IL16: variants seen among roughly 807,000 people sequenced by gnomAD.
IL16 encodes interleukin 16.
In IL16, 67 loss-of-function variants were observed where a neutral mutation model predicts 110.1. That is an observed-to-expected ratio of 0.61 (90% CI 0.50 to 0.75). The LOEUF is 0.75. Ranked by LOEUF, IL16 falls within the 30% of genes least tolerant of loss-of-function variation. The probability of loss-of-function intolerance (pLI) is 0.00; values close to 1 mark genes in which losing one functional copy is unlikely to be tolerated. For missense variants in IL16, 1,545 were observed against 1,655.0 expected (o/e 0.93, Z 1.15); for synonymous variants, 689 against 662.9 (o/e 1.04, Z -0.61).
At chr15:81,215,333 A>G (rs1896385888) in intron 1 of IL16, among the ~76,000 whole-genome samples, 1 of 152,218 alleles carries the variant, frequency 6.6e-6, no homozygotes, top group Non-Finnish European at 1.5e-5. Flanking sequence ...TCTGCACAGG[A>G]TCTTTATGCT....
At chr15:81,301,287 C>A in intron 14 of IL16, 57 bp from the exon 15 acceptor site, 1 of 1,480,962 alleles carries the variant, frequency 6.8e-7, no homozygotes, top group Non-Finnish European at 9.2e-7. Context: ...TATACAATCA[C>A]TGTTACCTCT....
At chr15:81,266,441 G>A (rs749241994) in intron 4 of IL16, among the ~76,000 whole-genome samples, 5 of 152,208 alleles carry the variant, frequency 3.3e-5, no homozygotes, top group Non-Finnish European at 5.9e-5. Flanking sequence ...AAACTGCCCT[G>A]TGTGCTCCTC....
rs57484982 is a variant in IL16 at position 81,247,076 on chromosome 15, C to CTTTTTTT, written c.313-12682_313-12676dup. On this transcript the variant is annotated intron_variant, in intron 2 of 18. Transcript: ENST00000683961. ...TTTGTGTTTTCTTTCTTTTCTTTTCCTTTTTTTTTTTTTTTTTTTTGATCT... is the reference window on the plus strand; with the variant it reads ...TTTGTGTTTTCTTTCTTTTCTTTTCCTTTTTTTTTTTTTTTTTTTTTTTTTTTGATCT... Among the ~76,000 whole-genome samples the CTTTTTTT allele has an allele frequency of 9.6e-3, 891 of 92,460 alleles. 5 individuals carry two copies. Among genetic ancestry groups the CTTTTTTT allele is most frequent in the African/African-American group, 0.015 (310 of 20,730 alleles). The allele number at this position is 92,460 out of a possible 152,430, so 60.7% of individuals were successfully genotyped here. A position where few individuals can be genotyped will look rare whatever the true frequency, so the allele number is the denominator to read the frequency against.
At chr15:81,207,739 A>G (rs576079645) in intron 1 of IL16, among the ~76,000 whole-genome samples, 6 of 152,076 alleles carry the variant, frequency 3.9e-5, no homozygotes, top group African/African-American at 1.2e-4. Context: ...TTTCATGGTG[A>G]TACGTACCAC....
intron 12 of IL16, among the ~76,000 whole-genome samples, chr15:81,294,903 G>A (rs977134835): frequency 6.6e-6 from 1 of 152,136 alleles, no homozygotes; most frequent in Non-Finnish European, 1.5e-5. Context: ...AGTGTCCACT[G>A]TCTCACTCTC....
chr15:81,241,024 C>T (rs1897320589), intron 2 of IL16, among the ~76,000 whole-genome samples: 1 of 151,856 alleles, frequency 6.6e-6, no homozygotes, highest in African/African-American at 2.4e-5. Flanking sequence ...TACAGTTAGC[C>T]CATTGTTCCA....
intron 1 of IL16, among the ~76,000 whole-genome samples, chr15:81,209,085 A>G (rs80019075): frequency 0.013 from 2,030 of 152,286 alleles, 44 homozygotes; most frequent in African/African-American, 0.046. Context: ...GGAATTGAGC[A>G]CTCAATGAAT....
chr15:81,306,453 A>G lies in IL16; in HGVS notation c.3713A>G (p.Glu1238Gly). Residue 1238 changes from glutamate to glycine, a missense_variant, in exon 18 of 19, where the codon GAG (glutamate) becomes GGG (glycine). Physicochemically the swap from Glu to Gly is moderately conservative, Grantham distance 98. Coordinates refer to ENST00000683961, the MANE Select transcript of IL16 (RefSeq NM_172217.5). ...AEATVCTVTL[E>G]KMSAGLGFSL... ...GCCACAGTCTGCACGGTGACACTGG[A>G]GAAGATGTCGGCAGGGCTGGGCTTC... is the stretch of plus-strand genomic sequence containing the variant. 6.2e-7 allele frequency: 1 copy of G among 1,613,120 alleles called. No individual in the cohort carries two copies. Among genetic ancestry groups the G allele is most frequent in the Non-Finnish European group, 8.5e-7 (1 of 1,179,492 alleles).
At position 81,301,471 on chromosome 15, in the gene IL16, C is replaced by T; in HGVS notation, c.3277C>T (p.Leu1093Phe). The stretch of plus-strand genomic sequence containing the variant: ...GCTGAGCTCAGAAGAATTAAAAAAA[C>T]TCATCGAGGAGGTGAAGGTTCTGGA... Reference protein sequence around the residue: ...SLLSSEELKKLIEEVKVLDEA... With the variant: ...SLLSSEELKKFIEEVKVLDEA... The change falls in exon 15 of 19, where the codon CTC becomes TTC. Residue 1093 changes from leucine to phenylalanine, a missense_variant. Leu to Phe is a conservative substitution (Grantham distance 22, BLOSUM62 0). Around this residue, in one of 3 missense-constraint regions of IL16, gnomAD observed 356 missense variants for 399.3 expected, o/e 0.89. Transcript: ENST00000683961. 3 of 1,614,068 alleles carry T rather than the reference C, an allele frequency of 1.9e-6. No individual in the cohort carries two copies. The highest frequency in any genetic ancestry group is 2.5e-6 in the Non-Finnish European group (3 of 1,179,988).
At chr15:81,243,745 CT>C (rs1488155967) in intron 2 of IL16, among the ~76,000 whole-genome samples, 62 of 152,208 alleles carry the variant, frequency 4.1e-4, no homozygotes, top group Admixed American at 3.1e-3. Context: ...AGTTATAGAA[CT>C]ATTCAAATTA....
intron 1 of IL16, among the ~76,000 whole-genome samples, chr15:81,220,669 C>T (rs1022709986): frequency 3.9e-5 from 6 of 152,016 alleles, no homozygotes. Context: ...TTTACCCTCC[C>T]AAAGATCTCC....
intron 1 of IL16, among the ~76,000 whole-genome samples, chr15:81,185,011 A>G (rs1429624135): frequency 6.6e-6 from 1 of 151,996 alleles, no homozygotes. Context: ...TCACCTGGGG[A>G]TCCTTGGGAC....
At position 81,313,179 on chromosome 15, in the gene IL16, C is replaced by G; in HGVS notation, c.*4381C>G. ...AGTGAACACAGGCCTCTGCGTGCTC[C>G]CAGGCTCCTTGGTGTCCCAACAGCT... On this transcript the variant is annotated 3_prime_UTR_variant, in exon 19 of 19. Transcript: ENST00000683961. The G allele has an allele frequency of 6.9e-7, 1 of 1,446,628 alleles. No homozygotes were observed. 89.6% of individuals were successfully genotyped at this position (1,446,628 alleles called of 1,614,324 possible). A position where few individuals can be genotyped will look rare whatever the true frequency, so the allele number is the denominator to read the frequency against.
At position 81,225,284 on chromosome 15, in the gene IL16, T is replaced by A. The variant is rs1289270456; in HGVS notation, c.-101-15T>A. 1 of 1,496,872 alleles carries A rather than the reference T, an allele frequency of 6.7e-7. No individual in the cohort carries two copies. Among genetic ancestry groups the A allele is most frequent in the South Asian group, 1.3e-5 (1 of 77,204 alleles). The allele number at this position is 1,496,872 out of a possible 1,614,324, so 92.7% of individuals were successfully genotyped here. On this transcript the variant is annotated splice_polypyrimidine_tract_variant and intron_variant, in intron 1 of 18. Transcript: ENST00000683961. ...GCAAGTCACATTGCTTCTTCCCATT[T>A]CCTCTTTCCTCTAGGGACTCATGAA...
In IL16 at chr15:81,225,616, A is replaced by G; in HGVS notation, c.217A>G (p.Ser73Gly). ...LADTSEAGPS[S>G]VPDLALASEA... ...AGACACATCGGAGGCTGGGCCCAGC[A>G]GTGTTCCTGATCTAGCACTGGCCTC... The change falls in exon 2 of 19, where the codon AGT (serine) becomes GGT (glycine). Residue 73 changes from serine (S) to glycine (G), a missense_variant. Ser to Gly is a moderately conservative substitution (Grantham distance 56, BLOSUM62 0). This residue lies in a region of IL16 where 1,185 missense variants were observed against 1,238.8 expected (regional missense o/e 0.96). Transcript: ENST00000683961. 6.2e-7 allele frequency: 1 copy of G among 1,614,118 alleles called. No homozygotes were observed. Among genetic ancestry groups the G allele is most frequent in the Non-Finnish European group, 8.5e-7 (1 of 1,180,010 alleles).
chr15:81,205,820 G>T (rs1895996276), intron 1 of IL16, among the ~76,000 whole-genome samples: 1 of 152,142 alleles, frequency 6.6e-6, no homozygotes, highest in African/African-American at 2.4e-5. Flanking sequence ...AAAGGGATAG[G>T]AAAATACTGT....
chr15:81,237,285 A>G (rs889539232), intron 2 of IL16, among the ~76,000 whole-genome samples: 1 of 152,154 alleles, frequency 6.6e-6, no homozygotes, highest in Non-Finnish European at 1.5e-5. Context: ...CAAACAATTA[A>G]GAAACTTACA....
At chr15:81,202,795 G>T (rs919364610) in intron 1 of IL16, among the ~76,000 whole-genome samples, 11 of 152,174 alleles carry the variant, frequency 7.2e-5, no homozygotes, top group African/African-American at 2.2e-4. Context: ...ACGTGTGCAT[G>T]TGTCTTTATA....
chr15:81,244,783 C>A (rs530487904), intron 2 of IL16, among the ~76,000 whole-genome samples: 16 of 152,108 alleles, frequency 1.1e-4, no homozygotes, highest in Non-Finnish European at 1.9e-4. Context: ...TTTCTCTCTC[C>A]TTCCACAACC....
Sources: gnomAD v4.1 joint callset for allele counts (sites outside exome capture counted in the v4.1 genomes callset) on GRCh38, gnomAD v4.1.1 for gene constraint, gnomAD v4.1.1 regional missense constraint, MANE v1.5 for transcripts, NCBI Gene and HGNC (gene_info 2026-07-23, HGNC 2026-07-21) for gene names.